The following PUM2 variants were observed in gnomAD, a reference collection of about 807,000 sequenced individuals.
PUM2 encodes pumilio RNA binding family member 2, also known as pumilio homolog 2.
Under a neutral mutation model 124.5 loss-of-function variants are expected in PUM2, and 57 were observed. The observed-to-expected ratio is 0.46, with a 90% CI of 0.37 to 0.57. The LOEUF (loss-of-function observed/expected upper bound fraction) is 0.57, where lower values mean the gene tolerates loss of function less well. PUM2 is among the 20% of genes least tolerant of loss of function. The pLI, the probability that PUM2 is intolerant of heterozygous loss-of-function variation, is 0.00. For synonymous variants in PUM2, 460 were observed against 446.1 expected (o/e 1.03, Z -0.39); for missense variants, 1,065 against 1,290.6 (o/e 0.83, Z 2.68).
At chr2:20,321,021 A>T (rs1682206829) in intron 2 of PUM2, among the ~76,000 whole-genome samples, 1 of 152,232 alleles carries the variant, frequency 6.6e-6, no homozygotes, top group Admixed American at 6.5e-5. Context: ...CATTTATCAC[A>T]GACAAAGAAG....
intron 1 of PUM2, among the ~76,000 whole-genome samples, chr2:20,333,892 G>A (rs1412924352): frequency 6.6e-6 from 1 of 152,076 alleles, no homozygotes; most frequent in African/African-American, 2.4e-5. Context: ...CTACTCTTGT[G>A]ATAGTTTTTC....
At chr2:20,254,206 G>A (rs995643287) in intron 19 of PUM2, among the ~76,000 whole-genome samples, 192 bp from the exon 20 acceptor site, 2 of 151,732 alleles carry the variant, frequency 1.3e-5, no homozygotes, top group Admixed American at 6.6e-5. Context: ...TGTCACCCGG[G>A]CTGGAGTGCA....
intron 2 of PUM2, among the ~76,000 whole-genome samples, chr2:20,320,434 T>C (rs943436588): frequency 5.9e-5 from 9 of 151,934 alleles, no homozygotes; most frequent in Admixed American, 2.0e-4. Context: ...TTGACCACAA[T>C]AGGAAAACAA....
At position 20,341,797 on chromosome 2, in the gene PUM2, T is replaced by G. The variant is rs567227932; in HGVS notation, c.-19+8800A>C. On this transcript the variant is annotated intron_variant, in intron 1 of 20. Transcript: ENST00000361078. ...ATTTTCAATTGTTACATGCTATCAATTAGAATTAATACCTCACCAAGGAAA... is the reference window on the plus strand; with the variant it reads ...ATTTTCAATTGTTACATGCTATCAAGTAGAATTAATACCTCACCAAGGAAA... Among the ~76,000 whole-genome samples the G allele has an allele frequency of 4.6e-5, 7 of 152,232 alleles. No homozygotes were observed. The South Asian group carries it at 1.4e-3, about 32-fold the overall frequency.
chr2:20,300,275 G>A (rs1219915497), intron 7 of PUM2, among the ~76,000 whole-genome samples: 2 of 152,082 alleles, frequency 1.3e-5, no homozygotes, highest in East Asian at 1.9e-4. Flanking sequence ...TCAGCCTCCC[G>A]AGTAGCTGGG....
At chr2:20,260,292 A>G in intron 15 of PUM2, 45 bp downstream of exon 15, 3 of 1,547,786 alleles carry the variant, frequency 1.9e-6, no homozygotes, top group African/African-American at 1.4e-5. Context: ...CATCAAGTAT[A>G]CAACAGCTGG....
intron 1 of PUM2, among the ~76,000 whole-genome samples, chr2:20,348,215 A>G (rs1007847064): frequency 4.6e-5 from 7 of 151,962 alleles, no homozygotes; most frequent in African/African-American, 1.7e-4. Context: ...AAATCTTAAT[A>G]TGCCACAGAC....
At position 20,308,637 on chromosome 2, in the gene PUM2, C is replaced by T. The variant is rs770690135; in HGVS notation, c.519-53G>A. ...TGAATAAAAGTAACAAGTCAAATAG[C>T]GAAATGGGAAAATAGAAAAATCATG... On this transcript the variant is annotated intron_variant, in intron 5 of 20. Coordinates refer to ENST00000361078, the MANE Select transcript of PUM2 (RefSeq NM_015317.5). 26 of 1,481,556 alleles carry T rather than the reference C, an allele frequency of 1.8e-5. No homozygotes were observed. The Admixed American group carries it at 3.7e-4, about 21-fold the overall frequency. The allele number at this position is 1,481,556 out of a possible 1,614,324, so 91.8% of individuals were successfully genotyped here. A position where few individuals can be genotyped will look rare whatever the true frequency, so the allele number is the denominator to read the frequency against.
At chr2:20,297,300 T>A (rs573383032) in intron 8 of PUM2, among the ~76,000 whole-genome samples, 1 of 152,240 alleles carries the variant, frequency 6.6e-6, no homozygotes, top group African/African-American at 2.4e-5. Context: ...GTTGACTATA[T>A]AGATTTCTAA....
intron 1 of PUM2, among the ~76,000 whole-genome samples, chr2:20,342,121 T>A (rs1372919963): frequency 4.4e-5 from 6 of 136,214 alleles, no homozygotes; most frequent in Non-Finnish European, 7.9e-5. Flanking sequence ...AGAGTGAGAC[T>A]CTGTCTCAAA....
intron 9 of PUM2, among the ~76,000 whole-genome samples, chr2:20,291,147 G>T (rs981935164): frequency 6.6e-6 from 1 of 152,146 alleles, no homozygotes; most frequent in Non-Finnish European, 1.5e-5. Context: ...ACATCTGCTG[G>T]AACTGAGTCC....
At position 20,260,389 on chromosome 2, in the gene PUM2, T is replaced by C. The variant is rs760676822; in HGVS notation, c.2303A>G (p.Tyr768Cys). 3.7e-6 allele frequency: 6 copies of C among 1,612,848 alleles called. No individual in the cohort carries two copies. Among genetic ancestry groups the C allele is most frequent in the East Asian group, 2.2e-5 (1 of 44,798 alleles). The change falls in exon 15 of 21, where the codon TAT becomes TGT. Residue 768 changes from tyrosine to cysteine, a missense_variant. Transcript: ENST00000361078. ...GCCAAAAACATCAGTCATTAATTGA[T>C]AGGCTGCTTGCAGAATTTCATTAAA... ...MVFNEILQAAYQLMTDVFGNY... is the reference protein window; with the variant it reads ...MVFNEILQAACQLMTDVFGNY...
At chr2:20,258,833 A>G (rs907036832) in intron 15 of PUM2, among the ~76,000 whole-genome samples, 35 of 151,042 alleles carry the variant, frequency 2.3e-4, no homozygotes, top group African/African-American at 8.5e-4. Flanking sequence ...GCGCCCGGCT[A>G]ATTTTTTGTA....
chr2:20,346,075 G>C (rs147961052), intron 1 of PUM2, among the ~76,000 whole-genome samples: 1 of 152,100 alleles, frequency 6.6e-6, no homozygotes, highest in Admixed American at 6.5e-5. Context: ...ATATTAAGAC[G>C]AGGGCACCTA....
Position 20,341,348 on chromosome 2 carries a change from GAA to G in PUM2, c.-19+9247_-19+9248del, listed in dbSNP as rs147183310. 8.0e-3 allele frequency among the ~76,000 whole-genome samples: 1,222 copies of G among 152,012 alleles called. 7 individuals are homozygous for G. Among genetic ancestry groups the G allele is most frequent in the Non-Finnish European group, 0.011 (755 of 67,972 alleles). ...AAAAAATAAGCCAAACTCAACAACA[GAA>G]AAAAGTTAAAACAATGAGCCAGTAC... On this transcript the variant is annotated intron_variant, in intron 1 of 20. Transcript: ENST00000361078.
chr2:20,331,282 C>CTAAAGG (rs57888224), intron 1 of PUM2, among the ~76,000 whole-genome samples: 152,214 of 152,302 alleles, frequency 1, 76,063 homozygotes, highest in Non-Finnish European at 1. Flanking sequence ...TGCTCAGTTA[C>CTAAAGG]TAAACGTTAC....
chr2:20,322,858 T>G (rs1000573026), intron 2 of PUM2, among the ~76,000 whole-genome samples: 1 of 151,898 alleles, frequency 6.6e-6, no homozygotes, highest in African/African-American at 2.4e-5. Flanking sequence ...AAATGAAACA[T>G]AGAGAACAAA....
chr2:20,347,784 T>C (rs926524126), intron 1 of PUM2, among the ~76,000 whole-genome samples: 1 of 152,118 alleles, frequency 6.6e-6, no homozygotes, highest in East Asian at 1.9e-4. Context: ...CACTCCATAA[T>C]TATTCTAACC....
chr2:20,297,549 T>G lies in PUM2; in HGVS notation c.1009+4A>C. 6.3e-7 allele frequency: 1 copy of G among 1,595,806 alleles called. No individual in the cohort carries two copies. The highest frequency in any genetic ancestry group is 8.5e-7 in the Non-Finnish European group (1 of 1,169,650). On this transcript the variant is annotated splice_donor_region_variant and intron_variant, in intron 8 of 20. Coordinates refer to ENST00000361078, the MANE Select transcript of PUM2 (RefSeq NM_015317.5). Reference sequence around the variant, plus strand: ...ATAATAAAGATGAACAAATAGTATGTTACCTGCTAATGTAGCTGCTGCAGC... The same window carrying G: ...ATAATAAAGATGAACAAATAGTATGGTACCTGCTAATGTAGCTGCTGCAGC...
Sources: gnomAD v4.1 joint callset for allele counts (sites outside exome capture counted in the v4.1 genomes callset) on GRCh38, gnomAD v4.1.1 for gene constraint, MANE v1.5 for transcripts, NCBI Gene and HGNC (gene_info 2026-07-23, HGNC 2026-07-21) for gene names.